Variants in ZNF677 observed in about 807,000 individuals in gnomAD.
ZNF677 encodes zinc finger protein 677, also known as hypothetical protein MGC48625.
In ZNF677, 5 loss-of-function variants were observed where a neutral mutation model predicts 8.1. The observed-to-expected ratio is 0.62, with a 90% confidence interval of 0.32 to 1.29. The LOEUF (loss-of-function observed/expected upper bound fraction) is 1.29. Ranked by LOEUF, ZNF677 falls within the 50% of genes most tolerant of loss-of-function variation. The pLI is 0.05. For missense variants in ZNF677, 685 were observed against 685.9 expected, an observed-to-expected ratio of 1.00 and a Z score of 0.01; for synonymous variants, 221 against 225.6, an observed-to-expected ratio of 0.98 and a Z score of 0.18.
At chr19:53,243,951 C>T (rs1412753961) in intron 3 of ZNF677, 54 bp from the exon 4 acceptor site, 2 of 1,502,116 alleles carry the variant, frequency 1.3e-6, no homozygotes, top group East Asian at 2.3e-5. Context: ...CTTATTTTCA[C>T]ACAAAATGGC....
In ZNF677 at chr19:53,246,317, C is replaced by CAAAAAA. The variant is rs59756987; in HGVS notation, c.16-2426_16-2421dup. ...TGGGTGACAGAGCGAGACTCCGTCC[C>CAAAAAA]AAAAAAAAAGCGACCATGATCTAGT... On this transcript the variant is annotated intron_variant, in intron 3 of 4. Coordinates refer to ENST00000598513, the MANE Select transcript of ZNF677 (RefSeq NM_182609.4). Among the ~76,000 whole-genome samples, 57 of 122,142 alleles carry CAAAAAA rather than the reference C, an allele frequency of 4.7e-4. 13 individuals carry two copies. The highest frequency in any genetic ancestry group is 5.1e-4 in the Admixed American group (6 of 11,816). The allele number at this position is 122,142 out of a possible 152,430, so 80.1% of individuals were successfully genotyped here.
Position 53,236,785 on chromosome 19 carries a change from T to C in ZNF677, c.*187A>G. ...ACATTCATTATATTTGTAAGGCTTC[T>C]CTACAGTAAGAATTCTATGATGTTC... On this transcript the variant is annotated 3_prime_UTR_variant, in exon 5 of 5. Coordinates refer to ENST00000598513, the MANE Select transcript of ZNF677 (RefSeq NM_182609.4). The C allele has an allele frequency of 2.0e-6, 1 of 499,436 alleles. No individual in the cohort carries two copies. Among genetic ancestry groups the C allele is most frequent in the Non-Finnish European group, 3.4e-6 (1 of 291,142 alleles). The allele number at this position is 499,436 out of a possible 1,614,324, so 30.9% of individuals were successfully genotyped here.
intron 4 of ZNF677, chr19:53,242,271 T>TA (rs1413383321): frequency 7.5e-6 from 3 of 398,422 alleles, no homozygotes; most frequent in Middle Eastern, 6.2e-4. Flanking sequence ...AGGCAAATCT[T>TA]AGAAGAATAT....
chr19:53,236,797 A>G lies in ZNF677; in HGVS notation c.*175T>C, dbSNP rs1052215429. 6 of 532,526 alleles carry G rather than the reference A, an allele frequency of 1.1e-5. No homozygotes were observed. The highest frequency in any genetic ancestry group is 3.4e-5 in the South Asian group (1 of 29,688). The allele number at this position is 532,526 out of a possible 1,614,324, so 33.0% of individuals were successfully genotyped here. ...TTTGTAAGGCTTCTCTACAGTAAGA[A>G]TTCTATGATGTTCCACAAGGCTTGA... is the stretch of plus-strand genomic sequence containing the variant. On this transcript the variant is annotated 3_prime_UTR_variant, in exon 5 of 5. Transcript: ENST00000598513.
intron 4 of ZNF677, chr19:53,243,307 C>A: frequency 5.2e-6 from 1 of 192,890 alleles, no homozygotes; most frequent in East Asian, 1.4e-4. Flanking sequence ...GATACATTCC[C>A]AGCCCTTTGT....
Position 53,251,525 on chromosome 19 carries a change from A to G in ZNF677, c.15+11T>C, listed in dbSNP as rs573870872. The G allele has an allele frequency of 1.9e-6, 3 of 1,612,774 alleles. No homozygotes were observed. Among genetic ancestry groups the G allele is most frequent in the African/African-American group, 2.7e-5 (2 of 75,020 alleles). On this transcript the variant is annotated intron_variant, in intron 3 of 4. Coordinates refer to ENST00000598513, the MANE Select transcript of ZNF677 (RefSeq NM_182609.4). The stretch of plus-strand genomic sequence containing the variant: ...GAGGACAAAACAGTGAACCAAGAAT[A>G]TAACTTTTACCTGAGAAAGAGCCAT...
intron 3 of ZNF677, among the ~76,000 whole-genome samples, chr19:53,248,483 T>C (rs1272483366): frequency 6.6e-6 from 1 of 152,228 alleles, no homozygotes; most frequent in Non-Finnish European, 1.5e-5. Flanking sequence ...TGCTTAACAT[T>C]TCATGCAGGG....
At position 53,238,206 on chromosome 19, in the gene ZNF677, T is replaced by G; in HGVS notation, c.521A>C (p.Asn174Thr). 1 of 1,613,986 alleles carries G rather than the reference T, an allele frequency of 6.2e-7. No individual in the cohort carries two copies. Among genetic ancestry groups the G allele is most frequent in the Non-Finnish European group, 8.5e-7 (1 of 1,179,954 alleles). The change falls in exon 5 of 5, where the codon AAT becomes ACT. Residue 174 changes from asparagine to threonine, a missense_variant. Transcript: ENST00000598513. ...PFIRNLLKLK[N>T]NIRYAGNKYV... Reference sequence around the variant, plus strand: ...TTTGTTTCCGGCATACCTTATGTTATTTTTCAGTTTTAACAAATTCCTTAT... The same window carrying G: ...TTTGTTTCCGGCATACCTTATGTTAGTTTTCAGTTTTAACAAATTCCTTAT...
chr19:53,242,579 T>G (rs2091070388), intron 4 of ZNF677: 1 of 395,558 alleles, frequency 2.5e-6, no homozygotes, highest in South Asian at 1.4e-4. Flanking sequence ...AAAGCAGAAC[T>G]GAAGGAATGG....
At chr19:53,242,109 T>C (rs1316470257) in intron 4 of ZNF677, 2 of 395,228 alleles carry the variant, frequency 5.1e-6, no homozygotes, top group Non-Finnish European at 8.9e-6. Flanking sequence ...TTTTTGTATT[T>C]TTAGTAGAGA....
intron 3 of ZNF677, 112 bp downstream of exon 3, chr19:53,251,424 T>C: frequency 4.8e-6 from 4 of 827,382 alleles, no homozygotes; most frequent in Non-Finnish European, 6.2e-6. Context: ...GCCCTGGGTG[T>C]GAATATACAT....
intron 3 of ZNF677, among the ~76,000 whole-genome samples, chr19:53,244,593 A>C (rs971085571): frequency 6.6e-6 from 1 of 152,222 alleles, no homozygotes; most frequent in African/African-American, 2.4e-5. Flanking sequence ...AATGAAGGAA[A>C]TTAAAGCAGA....
At chr19:53,251,137 A>G (rs2091227128) in intron 3 of ZNF677, among the ~76,000 whole-genome samples, 2 of 152,184 alleles carry the variant, frequency 1.3e-5, no homozygotes, top group African/African-American at 4.8e-5. Flanking sequence ...CTTCTTTTTC[A>G]AAGTTTTCCA....
At chr19:53,249,801 TC>T (rs2091205236) in intron 3 of ZNF677, among the ~76,000 whole-genome samples, 1 of 152,230 alleles carries the variant, frequency 6.6e-6, no homozygotes, top group Non-Finnish European at 1.5e-5. Context: ...CTCCTGCCTC[TC>T]TGATGACAGA....
chr19:53,242,373 A>C (rs1007441263), intron 4 of ZNF677: 4 of 398,544 alleles, frequency 1.0e-5, no homozygotes, highest in African/African-American at 2.1e-5. Context: ...GTAAAATAAA[A>C]GGGTCGGATT....
rs945643748 is a variant in ZNF677, at chr19:53,254,538, G to A, written c.-127+296C>T. ...GGCTTTACCAGGGGGAGGGAAGAGG[G>A]AGTCAGAGAAGAGTTTTAAGCAGAG... On this transcript the variant is annotated intron_variant, in intron 1 of 4. Coordinates refer to ENST00000598513, the MANE Select transcript of ZNF677 (RefSeq NM_182609.4). The A allele has an allele frequency of 3.3e-5, 5 of 152,328 alleles. No individual in the cohort carries two copies. In the East Asian group the frequency reaches 9.6e-4, roughly 29 times the overall value. The allele number at this position is 152,328 out of a possible 1,614,324, so 9.4% of individuals were successfully genotyped here.
rs543682036 is a variant in ZNF677, at chr19:53,252,170, C to A, written c.-55-565G>T. The stretch of plus-strand genomic sequence containing the variant: ...TCCTATCTCTAACCCTATGCCCCGA[C>A]CCCTTTCCTAGTAGTTTCCATCATT... On this transcript the variant is annotated intron_variant, in intron 2 of 4. Coordinates refer to ENST00000598513, the MANE Select transcript of ZNF677 (RefSeq NM_182609.4). Among the ~76,000 whole-genome samples the A allele has an allele frequency of 2.6e-5, 4 of 152,326 alleles. No homozygotes were observed. In the East Asian group the frequency reaches 5.8e-4, roughly 22 times the overall value.
chr19:53,248,937 T>A (rs1338009929), intron 3 of ZNF677, among the ~76,000 whole-genome samples: 1 of 152,186 alleles, frequency 6.6e-6, no homozygotes, highest in Non-Finnish European at 1.5e-5. Context: ...CATACATACA[T>A]ATGCTTCATG....
intron 3 of ZNF677, among the ~76,000 whole-genome samples, chr19:53,244,541 C>G (rs1003136847): frequency 1.6e-4 from 24 of 152,114 alleles, no homozygotes; most frequent in African/African-American, 5.1e-4. Context: ...TAAGCTTACC[C>G]AAATAGGTAA....
Sources: allele counts gnomAD v4.1 joint callset (sites outside exome capture counted in the v4.1 genomes callset), GRCh38; gene constraint gnomAD v4.1.1; transcripts MANE v1.5; gene names NCBI Gene and HGNC (gene_info 2026-07-23, HGNC 2026-07-21).